Variants in PTPRN2 observed in about 807,000 individuals in gnomAD.
PTPRN2 encodes the protein receptor-type tyrosine-protein phosphatase N2.
In PTPRN2, 74 loss-of-function variants were observed where a neutral mutation model predicts 118.8. The observed-to-expected ratio is 0.62, with a 90% CI of 0.52 to 0.76. The LOEUF (loss-of-function observed/expected upper bound fraction) is 0.76. Ranked by LOEUF, PTPRN2 falls within the 30% of genes least tolerant of loss-of-function variation. The pLI, the probability that PTPRN2 is intolerant of heterozygous loss-of-function variation, is 0.00. For missense variants in PTPRN2, 1,481 were observed against 1,394.4 expected (o/e 1.06, Z -0.99); for synonymous variants, 641 against 608.0 (o/e 1.05, Z -0.80).
In PTPRN2 at chr7:158,529,170, C is replaced by A. The variant is rs1245340871; in HGVS notation, c.113-39385G>T. 6.6e-6 allele frequency among the ~76,000 whole-genome samples: 1 copy of A among 152,246 alleles called. No homozygotes were observed. Among genetic ancestry groups the A allele is most frequent in the African/African-American group, 2.4e-5 (1 of 41,470 alleles). ...GGGACACAGGACATTAGAATGCCCG[C>A]AGCACTCACACAGCACCTGGTGGGC... On this transcript the variant is annotated intron_variant, in intron 1 of 22. Coordinates refer to ENST00000389418, the MANE Select transcript of PTPRN2 (RefSeq NM_002847.5). This position sits in a 1 kb window ranked among gnomAD's most constrained non-coding sequence, Gnocchi z 4.7.
Position 158,205,245 on chromosome 7 carries a change from C to G in PTPRN2, c.306G>C (p.Gln102His), listed in dbSNP as rs1030443716. The G allele has an allele frequency of 6.2e-7, 1 of 1,614,058 alleles. No individual in the cohort carries two copies. The highest frequency in any genetic ancestry group is 1.1e-5 in the South Asian group (1 of 91,074). Residue 102 changes from glutamine (Q) to histidine (H), a missense_variant, in exon 4 of 23, where the codon CAG (glutamine) becomes CAC (histidine). Gln to His is a conservative substitution (Grantham distance 24). Around this residue, in one of 3 missense-constraint regions of PTPRN2, gnomAD observed 1,115 missense variants for 994.2 expected, o/e 1.12. Coordinates refer to ENST00000389418, the MANE Select transcript of PTPRN2 (RefSeq NM_002847.5). ...TGFTWQDDYT[Q>H]YVMDQELADL... ...CTGCAAGTTCCTGGTCCATCACATA[C>G]TGAGTATAGTCATCCTGCCACGTGA...
At chr7:157,737,396 C>A (rs1278107540) in intron 12 of PTPRN2, among the ~76,000 whole-genome samples, 5 of 152,232 alleles carry the variant, frequency 3.3e-5, no homozygotes, top group Non-Finnish European at 7.3e-5. Flanking sequence ...GTGCGCTGGG[C>A]TTGGAGGGCA....
At chr7:158,345,627 G>A (rs962539926) in intron 2 of PTPRN2, among the ~76,000 whole-genome samples, 1 of 152,182 alleles carries the variant, frequency 6.6e-6, no homozygotes, top group African/African-American at 2.4e-5. Flanking sequence ...ACTCATCCCA[G>A]GTGGGGAAAC....
intron 10 of PTPRN2, among the ~76,000 whole-genome samples, chr7:158,100,070 C>A (rs1022191255): frequency 6.6e-6 from 1 of 151,960 alleles, no homozygotes; most frequent in African/African-American, 2.4e-5. Flanking sequence ...GTCCTTATGT[C>A]ATTCTTAAGC....
intron 1 of PTPRN2, among the ~76,000 whole-genome samples, chr7:158,560,051 C>G (rs1196513360): frequency 6.6e-6 from 1 of 152,232 alleles, no homozygotes; most frequent in Non-Finnish European, 1.5e-5. Flanking sequence ...TTCCTGTGAA[C>G]TTGATGATTC....
intron 2 of PTPRN2, among the ~76,000 whole-genome samples, chr7:158,431,265 C>T (rs1816151275): frequency 1.4e-5 from 2 of 147,952 alleles, no homozygotes; most frequent in Non-Finnish European, 3.0e-5. Flanking sequence ...ACTGGGCTCA[C>T]TCCGGGCTCA....
intron 3 of PTPRN2, among the ~76,000 whole-genome samples, chr7:158,307,803 AGGGCTCT>A (rs1801406825): frequency 6.6e-6 from 1 of 152,188 alleles, no homozygotes; most frequent in Non-Finnish European, 1.5e-5. Context: ...CTGGGTCATG[AGGGCTCT>A]GCCCTCATGA....
intron 15 of PTPRN2, among the ~76,000 whole-genome samples, chr7:157,620,709 A>G (rs1803116377): frequency 6.6e-6 from 1 of 152,198 alleles, no homozygotes; most frequent in African/African-American, 2.4e-5. Flanking sequence ...GAGGAAAGGA[A>G]GACACTGGTT....
chr7:157,664,435 C>A (rs578018196), intron 13 of PTPRN2, among the ~76,000 whole-genome samples: 2 of 152,208 alleles, frequency 1.3e-5, no homozygotes, highest in East Asian at 1.9e-4. Context: ...ATCGCCACTA[C>A]GAATACTCTA....
chr7:157,605,301 G>A (rs927633351), intron 15 of PTPRN2, among the ~76,000 whole-genome samples: 4 of 152,246 alleles, frequency 2.6e-5, no homozygotes, highest in African/African-American at 9.6e-5. Flanking sequence ...CAGACACACT[G>A]CAAGCAGCTT....
At chr7:157,577,693 TATC>T (rs965982079) in intron 18 of PTPRN2, among the ~76,000 whole-genome samples, 1 of 152,240 alleles carries the variant, frequency 6.6e-6, no homozygotes, top group African/African-American at 2.4e-5. Flanking sequence ...TCTACTCTGT[TATC>T]ATTTGGATTT....
At chr7:158,110,782 G>GCA (rs1816172264) in intron 10 of PTPRN2, 47 bp downstream of exon 10, 6 of 1,511,806 alleles carry the variant, frequency 4.0e-6, no homozygotes, top group African/African-American at 2.8e-5. Context: ...CAGTCTCTGC[G>GCA]ACCAAGCAAC....
chr7:158,124,998 G>A (rs1478593870), intron 9 of PTPRN2, among the ~76,000 whole-genome samples: 1 of 152,254 alleles, frequency 6.6e-6, no homozygotes, highest in Non-Finnish European at 1.5e-5. Flanking sequence ...CAGGGTGGGA[G>A]AAGGGAAGAG....
At chr7:158,305,792 CA>C (rs113374723) in intron 3 of PTPRN2, among the ~76,000 whole-genome samples, 3,275 of 116,012 alleles carry the variant, frequency 0.028, 101 homozygotes, top group African/African-American at 0.078. Flanking sequence ...GCAATTTACT[CA>C]AAAAAAAAAA....
At chr7:157,758,621 GGGGT>G (rs1304187830) in intron 12 of PTPRN2, among the ~76,000 whole-genome samples, 2 of 152,234 alleles carry the variant, frequency 1.3e-5, no homozygotes, top group East Asian at 3.8e-4. Flanking sequence ...GGCGGACGCA[GGGGT>G]CCCTGGAGGA....
chr7:158,430,231 A>G (rs1816056945), intron 2 of PTPRN2, among the ~76,000 whole-genome samples: 1 of 152,154 alleles, frequency 6.6e-6, no homozygotes. Flanking sequence ...CTTAAACAAC[A>G]ATGCTTTGTA....
At chr7:157,724,282 A>G (rs1799408212) in intron 12 of PTPRN2, among the ~76,000 whole-genome samples, 1 of 152,254 alleles carries the variant, frequency 6.6e-6, no homozygotes, top group Non-Finnish European at 1.5e-5. Context: ...TACAAATAGC[A>G]GCCTGAAACT....
intron 14 of PTPRN2, among the ~76,000 whole-genome samples, chr7:157,655,446 T>A (rs1806008814): frequency 6.6e-6 from 1 of 152,190 alleles, no homozygotes; most frequent in South Asian, 2.1e-4. Context: ...GATCCACCAG[T>A]CTATACTATT....
intron 13 of PTPRN2, among the ~76,000 whole-genome samples, chr7:157,665,781 A>T (rs1796106855): frequency 6.6e-6 from 1 of 152,272 alleles, no homozygotes; most frequent in South Asian, 2.1e-4. Context: ...TGGCACATAT[A>T]CACCATGGAA....
Sources: gnomAD v4.1 joint callset for allele counts (sites outside exome capture counted in the v4.1 genomes callset) on GRCh38, gnomAD v4.1.1 for gene constraint, gnomAD v4.1.1 regional missense constraint, Gnocchi (gnomAD v3.1) non-coding constraint, MANE v1.5 for transcripts, NCBI Gene and HGNC (gene_info 2026-07-23, HGNC 2026-07-21) for gene names.